SPOCK1: variants seen among roughly 807,000 people sequenced by gnomAD.
SPOCK1 encodes the protein SPARC (osteonectin), cwcv and kazal like domains proteoglycan 1, also known as testican-1.
A neutral mutation model predicts 55.3 loss-of-function variants in SPOCK1; 23 were observed. The observed-to-expected ratio is 0.42, with a 90% CI of 0.30 to 0.59. The LOEUF (loss-of-function observed/expected upper bound fraction) is 0.59. SPOCK1 is among the 20% of genes least tolerant of loss of function. SPOCK1 has a pLI of 0.22. For missense variants in SPOCK1, 499 were observed against 552.5 expected (o/e 0.90, Z 0.97); for synonymous variants, 226 against 221.0 (o/e 1.02, Z -0.20).
At chr5:137,380,601 A>T (rs778559370) in intron 2 of SPOCK1, among the ~76,000 whole-genome samples, 2 of 152,210 alleles carry the variant, frequency 1.3e-5, no homozygotes, top group Non-Finnish European at 2.9e-5. Flanking sequence ...GATGAAGGGA[A>T]ACCATCTTCA....
In SPOCK1 at chr5:137,461,830, A is replaced by G. The variant is rs561387550; in HGVS notation, c.186+36543T>C. Among the ~76,000 whole-genome samples, 4 of 152,324 alleles carry G rather than the reference A, an allele frequency of 2.6e-5. No individual in the cohort carries two copies. The South Asian group carries it at 8.3e-4, about 32-fold the overall frequency. ...GTATCTTCCAGCAACCCTCTCTATG[A>G]TCTAATAATAAAAACTACCCCCATT... On this transcript the variant is annotated intron_variant, in intron 2 of 10. Coordinates refer to ENST00000394945, the MANE Select transcript of SPOCK1 (RefSeq NM_004598.4).
At chr5:137,165,982 A>G (rs1424219490) in intron 3 of SPOCK1, among the ~76,000 whole-genome samples, 1 of 152,164 alleles carries the variant, frequency 6.6e-6, no homozygotes, top group Admixed American at 6.5e-5. Context: ...AGAAAGAGAT[A>G]GGGGTAGAAA....
intron 2 of SPOCK1, among the ~76,000 whole-genome samples, chr5:137,426,617 CA>C (rs112757284): frequency 2.0e-5 from 3 of 152,294 alleles, no homozygotes; most frequent in African/African-American, 7.2e-5. Flanking sequence ...ATTCTTATTA[CA>C]TGTGACCTGA....
intron 2 of SPOCK1, among the ~76,000 whole-genome samples, chr5:137,311,733 C>G (rs1483762032): frequency 6.6e-6 from 1 of 151,878 alleles, no homozygotes; most frequent in Non-Finnish European, 1.5e-5. Flanking sequence ...AGCAGAACTC[C>G]CAGGAAGAAT....
chr5:137,056,135 A>G (rs1752294329), intron 6 of SPOCK1, among the ~76,000 whole-genome samples: 1 of 152,204 alleles, frequency 6.6e-6, no homozygotes, highest in Non-Finnish European at 1.5e-5. Flanking sequence ...CATGGTACAC[A>G]CAGCAGCCAA....
At chr5:137,080,754 G>T (rs1284070933) in intron 5 of SPOCK1, among the ~76,000 whole-genome samples, 1 of 152,130 alleles carries the variant, frequency 6.6e-6, no homozygotes, top group African/African-American at 2.4e-5. Flanking sequence ...ACCAAAGAAA[G>T]AACAAGTTTC....
intron 8 of SPOCK1, among the ~76,000 whole-genome samples, chr5:136,985,412 T>TA (rs1750819746): frequency 6.6e-6 from 1 of 152,180 alleles, no homozygotes; most frequent in Non-Finnish European, 1.5e-5. Flanking sequence ...AAAATAGTAT[T>TA]TGGGGGCCAC....
At chr5:137,174,841 G>A (rs1430450297) in intron 3 of SPOCK1, among the ~76,000 whole-genome samples, 2 of 152,182 alleles carry the variant, frequency 1.3e-5, no homozygotes, top group South Asian at 2.1e-4. Flanking sequence ...ACAGAAAAGA[G>A]GGGTCCAGAA....
intron 7 of SPOCK1, among the ~76,000 whole-genome samples, chr5:136,989,314 G>C (rs1241127004): frequency 6.6e-6 from 1 of 152,064 alleles, no homozygotes; most frequent in African/African-American, 2.4e-5. Flanking sequence ...TTCCACAATG[G>C]AAAGTGTATG....
At chr5:137,240,700 G>A (rs539929941) in intron 3 of SPOCK1, among the ~76,000 whole-genome samples, 3 of 152,048 alleles carry the variant, frequency 2.0e-5, no homozygotes, top group South Asian at 2.1e-4. Flanking sequence ...TTAGGTTGGA[G>A]ATTATACAAG....
At chr5:137,463,226 C>T (rs1228605382) in intron 2 of SPOCK1, among the ~76,000 whole-genome samples, 1 of 152,182 alleles carries the variant, frequency 6.6e-6, no homozygotes, top group African/African-American at 2.4e-5. Flanking sequence ...ATTCTACACT[C>T]CCATGTTTGT....
At chr5:137,225,678 G>C (rs1580816198) in intron 3 of SPOCK1, among the ~76,000 whole-genome samples, 1 of 152,194 alleles carries the variant, frequency 6.6e-6, no homozygotes, top group Admixed American at 6.5e-5. Context: ...CACCTGGAAG[G>C]CTTGGGAAAA....
chr5:137,388,745 G>A (rs900777126), intron 2 of SPOCK1, among the ~76,000 whole-genome samples: 2 of 152,110 alleles, frequency 1.3e-5, no homozygotes, highest in Non-Finnish European at 2.9e-5. Flanking sequence ...CTCTGCCAGG[G>A]CTCCAGATTC....
At chr5:137,112,331 C>T (rs935638442) in intron 5 of SPOCK1, 104 bp downstream of exon 5, 3 of 1,452,012 alleles carry the variant, frequency 2.1e-6, no homozygotes, top group Admixed American at 4.2e-5. Flanking sequence ...AGGGCAAGGC[C>T]TGGAGCCCAC....
intron 6 of SPOCK1, among the ~76,000 whole-genome samples, chr5:137,054,079 G>A (rs549565486): frequency 1.2e-3 from 186 of 152,012 alleles, no homozygotes; most frequent in African/African-American, 4.1e-3. Flanking sequence ...GCATGCGCAT[G>A]CACACACATT....
chr5:137,224,264 A>C (rs1245383855), intron 3 of SPOCK1, among the ~76,000 whole-genome samples: 1 of 152,258 alleles, frequency 6.6e-6, no homozygotes, highest in Non-Finnish European at 1.5e-5. Context: ...AGGGAAATGC[A>C]GTCCATCACT....
intron 2 of SPOCK1, among the ~76,000 whole-genome samples, chr5:137,455,099 A>G (rs1398913152): frequency 6.6e-6 from 1 of 152,186 alleles, no homozygotes; most frequent in African/African-American, 2.4e-5. Flanking sequence ...TTAGCTAGGA[A>G]CTGTGGAGAA....
intron 5 of SPOCK1, among the ~76,000 whole-genome samples, chr5:137,098,864 G>A (rs1437768102): frequency 6.6e-6 from 1 of 152,170 alleles, no homozygotes; most frequent in Non-Finnish European, 1.5e-5. Flanking sequence ...GGCTCCACGG[G>A]CCACCTCAGG....
intron 3 of SPOCK1, among the ~76,000 whole-genome samples, chr5:137,156,691 A>T (rs1219226939): frequency 1.3e-5 from 2 of 152,164 alleles, no homozygotes; most frequent in Non-Finnish European, 2.9e-5. Context: ...ATATGACCTC[A>T]AGGAATCCGT....
Sources: allele counts gnomAD v4.1 joint callset (sites outside exome capture counted in the v4.1 genomes callset), GRCh38; gene constraint gnomAD v4.1.1; transcripts MANE v1.5; gene names NCBI Gene and HGNC (gene_info 2026-07-23, HGNC 2026-07-21).